Variants in KCNT2 observed in about 807,000 individuals in gnomAD.
KCNT2 encodes the protein potassium sodium-activated channel subfamily T member 2, also known as potassium channel subfamily T member 2.
Under a neutral mutation model 153.8 loss-of-function variants are expected in KCNT2, and 67 were observed. That is an observed-to-expected ratio of 0.44 (90% confidence interval 0.36 to 0.53). KCNT2 has a LOEUF of 0.53. Ranked by LOEUF, KCNT2 falls within the 20% of genes least tolerant of loss-of-function variation. The pLI is 0.00. For synonymous variants in KCNT2, 500 were observed against 458.8 expected (o/e 1.09, Z -1.15); for missense variants, 975 against 1,354.8 (o/e 0.72, Z 4.40).
chr1:196,465,830 C>G (rs1470065981), intron 7 of KCNT2, among the ~76,000 whole-genome samples: 3 of 151,606 alleles, frequency 2.0e-5, no homozygotes, highest in Non-Finnish European at 4.4e-5. Context: ...TTAGCCCAGA[C>G]AGTTTATTTT....
At chr1:196,258,056 G>A (rs1166549217) in intron 26 of KCNT2, 138 bp downstream of exon 26, 1 of 1,438,040 alleles carries the variant, frequency 7.0e-7, no homozygotes, top group East Asian at 2.5e-5. Flanking sequence ...TTCTGTAGGA[G>A]ATCAGATGTA....
Position 196,227,493 on chromosome 1 carries a change from T to C in KCNT2, c.*731A>G, listed in dbSNP as rs1040178126. ...CATTCGTTTAGGAGAATAATAGATA[T>C]TTGCTTTATAGTATGCTTTTCTTGG... On this transcript the variant is annotated 3_prime_UTR_variant, in exon 28 of 28. Transcript: ENST00000294725. 6.6e-5 allele frequency: 10 copies of C among 152,084 alleles called. No homozygotes were observed. The highest frequency in any genetic ancestry group is 2.4e-4 in the African/African-American group (10 of 41,456). 9.4% of individuals were successfully genotyped at this position (152,084 alleles called of 1,614,324 possible). A position where few individuals can be genotyped will look rare whatever the true frequency, so the allele number is the denominator to read the frequency against.
chr1:196,237,833 T>C (rs1213997290), intron 26 of KCNT2, among the ~76,000 whole-genome samples: 3 of 151,836 alleles, frequency 2.0e-5, no homozygotes, highest in African/African-American at 7.2e-5. Context: ...TATATATTGA[T>C]GCTTACTACA....
chr1:196,570,076 A>AAAAAAAAAAAAAAAAAC, intron 1 of KCNT2, among the ~76,000 whole-genome samples: 1 of 11,196 alleles, frequency 8.9e-5, no homozygotes, highest in African/African-American at 9.5e-5. Flanking sequence ...GTAAAAAAAA[A>AAAAAAAAAAAAAAAAAC]AAAAAAAAAA....
chr1:196,578,464 C>T (rs1281025775), intron 1 of KCNT2, among the ~76,000 whole-genome samples: 1 of 152,088 alleles, frequency 6.6e-6, no homozygotes, highest in Non-Finnish European at 1.5e-5. Context: ...AATATCACTC[C>T]CTGACCTCAC....
intron 8 of KCNT2, among the ~76,000 whole-genome samples, chr1:196,444,096 A>AAGAG (rs762728727): frequency 1.3e-5 from 2 of 150,986 alleles, no homozygotes; most frequent in African/African-American, 4.9e-5. Context: ...CAAAAAACAT[A>AAGAG]AGAGAGAGAG....
At chr1:196,422,566 A>T (rs1673304335) in intron 12 of KCNT2, among the ~76,000 whole-genome samples, 1 of 152,146 alleles carries the variant, frequency 6.6e-6, no homozygotes, top group South Asian at 2.1e-4. Context: ...GCCAAAGGTT[A>T]CCAAACTGAA....
chr1:196,289,897 TAA>T (rs1472939045), intron 22 of KCNT2, among the ~76,000 whole-genome samples: 1 of 152,090 alleles, frequency 6.6e-6, no homozygotes, highest in Non-Finnish European at 1.5e-5. Context: ...TTTAAATCAT[TAA>T]AGATTTCAGA....
chr1:196,361,004 A>G (rs1421972891), intron 14 of KCNT2, among the ~76,000 whole-genome samples: 1 of 152,108 alleles, frequency 6.6e-6, no homozygotes, highest in Non-Finnish European at 1.5e-5. Context: ...AAAGGGAATG[A>G]TATGGGATAG....
chr1:196,338,552 C>T (rs574617822), intron 16 of KCNT2, among the ~76,000 whole-genome samples: 2 of 152,026 alleles, frequency 1.3e-5, no homozygotes, highest in South Asian at 4.2e-4. Context: ...TTTTGGTTAT[C>T]CTATTTATAA....
At chr1:196,407,551 A>G (rs956018266) in intron 12 of KCNT2, among the ~76,000 whole-genome samples, 2 of 151,512 alleles carry the variant, frequency 1.3e-5, no homozygotes, top group African/African-American at 2.4e-5. Context: ...GGTACATTTC[A>G]TTAGGGAATG....
At chr1:196,323,820 T>C (rs1663570468) in intron 19 of KCNT2, among the ~76,000 whole-genome samples, 1 of 151,828 alleles carries the variant, frequency 6.6e-6, no homozygotes, top group Non-Finnish European at 1.5e-5. Flanking sequence ...AACTAACTAA[T>C]AATTCTAGAA....
rs190951185 is a variant in KCNT2 at position 196,330,540 on chromosome 1, T to C, written c.2103+616A>G. On this transcript the variant is annotated intron_variant, in intron 18 of 27. Coordinates refer to ENST00000294725, the MANE Select transcript of KCNT2 (RefSeq NM_198503.5). ...AGTAAATATAAGGTTCTTCCTTTTATCAGTTTTGTTATTCTTCAAGAGAAT... is the reference window on the plus strand; with the variant it reads ...AGTAAATATAAGGTTCTTCCTTTTACCAGTTTTGTTATTCTTCAAGAGAAT... Among the ~76,000 whole-genome samples, 26 of 152,090 alleles carry C rather than the reference T, an allele frequency of 1.7e-4. 1 individual carries two copies. The South Asian group carries it at 4.4e-3, about 25-fold the overall frequency.
At chr1:196,289,537 T>C (rs969920404) in intron 22 of KCNT2, among the ~76,000 whole-genome samples, 2 of 152,124 alleles carry the variant, frequency 1.3e-5, no homozygotes, top group Non-Finnish European at 2.9e-5. Flanking sequence ...AGACAATTTA[T>C]TGCATAGTTT....
At chr1:196,519,124 C>G (rs1365277006) in intron 1 of KCNT2, among the ~76,000 whole-genome samples, 1 of 151,858 alleles carries the variant, frequency 6.6e-6, no homozygotes, top group African/African-American at 2.4e-5. Flanking sequence ...AAATTAAAAT[C>G]AAGAATAAAG....
intron 1 of KCNT2, among the ~76,000 whole-genome samples, chr1:196,546,892 G>T (rs1294010401): frequency 6.6e-6 from 1 of 151,878 alleles, no homozygotes; most frequent in Non-Finnish European, 1.5e-5. Context: ...TTCTGGTAAA[G>T]GTACTAAACT....
chr1:196,262,208 C>T (rs938165142), intron 25 of KCNT2, among the ~76,000 whole-genome samples: 1 of 151,934 alleles, frequency 6.6e-6, no homozygotes, highest in Admixed American at 6.6e-5. Context: ...ACACACACAT[C>T]AAAGTGACTC....
intron 25 of KCNT2, among the ~76,000 whole-genome samples, chr1:196,259,206 A>T (rs1426941393): frequency 1.3e-5 from 2 of 152,146 alleles, no homozygotes; most frequent in East Asian, 3.9e-4. Context: ...ACTCAGACTT[A>T]AAACAGGCTG....
intron 11 of KCNT2, 143 bp downstream of exon 11, chr1:196,425,709 G>T: frequency 1.3e-6 from 1 of 762,980 alleles, no homozygotes; most frequent in Non-Finnish European, 2.2e-6. Flanking sequence ...AGTTTGGCCA[G>T]CAGAGGGACT....
Sources: allele counts gnomAD v4.1 joint callset (sites outside exome capture counted in the v4.1 genomes callset), GRCh38; gene constraint gnomAD v4.1.1; transcripts MANE v1.5; gene names NCBI Gene and HGNC (gene_info 2026-07-23, HGNC 2026-07-21).